SPSB3: variants seen among roughly 807,000 people sequenced by gnomAD.
SPSB3 encodes SPRY domain-containing SOCS box protein 3.
SPSB3 carries 18 observed loss-of-function variants against 29.5 expected under a neutral mutation model. The ratio of observed to expected loss-of-function variants is 0.61; its 90% CI spans 0.42 to 0.91. SPSB3 has a LOEUF of 0.91. Ranked by LOEUF, SPSB3 falls within the 40% of genes least tolerant of loss-of-function variation. The pLI, the probability that SPSB3 is intolerant of heterozygous loss-of-function variation, is 0.00. For synonymous variants in SPSB3, 299 were observed against 214.1 expected, an observed-to-expected ratio of 1.40 and a Z score of -3.46; for missense variants, 540 against 507.5, an observed-to-expected ratio of 1.06 and a Z score of -0.61.
At chr16:1,780,505 G>C (rs566161831) in intron 2 of SPSB3, 1 of 152,638 alleles carries the variant, frequency 6.6e-6, no homozygotes, top group Non-Finnish European at 1.5e-5. Context: ...GCTGCAGACA[G>C]ACAAACACCT....
chr16:1,776,831 C>T lies in SPSB3; in HGVS notation c.*266G>A, dbSNP rs563352693. 3.2e-5 allele frequency: 17 copies of T among 530,148 alleles called. No homozygotes were observed. Among genetic ancestry groups the T allele is most frequent in the South Asian group, 7.9e-5 (3 of 37,796 alleles). 32.8% of individuals were successfully genotyped at this position (530,148 alleles called of 1,614,324 possible). A position where few individuals can be genotyped will look rare whatever the true frequency, so the allele number is the denominator to read the frequency against. ...CCGAGGCCCTGTGGGAACAGCAACGCGGGCTCCAGCCAGGCTCTCGTCCTC... is the reference window on the plus strand; with the variant it reads ...CCGAGGCCCTGTGGGAACAGCAACGTGGGCTCCAGCCAGGCTCTCGTCCTC... On this transcript the variant is annotated 3_prime_UTR_variant, in exon 7 of 7. Coordinates refer to ENST00000566339, the MANE Select transcript of SPSB3 (RefSeq NM_080861.4).
At position 1,776,966 on chromosome 16, in the gene SPSB3, G is replaced by C. The variant is rs113222268; in HGVS notation, c.*131C>G. On this transcript the variant is annotated 3_prime_UTR_variant, in exon 7 of 7. Transcript: ENST00000566339. ...AGGACTGTCCCAGCCTCGGGAGCAA[G>C]AGATGGCTCCCTCCGGACGGGCCTC... The C allele has an allele frequency of 6.0e-4, 631 of 1,050,160 alleles. 6 individuals are homozygous for C. In the African/African-American group the frequency reaches 8.3e-3, roughly 14 times the overall value. The allele number at this position is 1,050,160 out of a possible 1,614,324, so 65.1% of individuals were successfully genotyped here. A position where few individuals can be genotyped will look rare whatever the true frequency, so the allele number is the denominator to read the frequency against.
At position 1,776,876 on chromosome 16, in the gene SPSB3, G is replaced by C. The variant is rs1049487852; in HGVS notation, c.*221C>G. ...GTCCTCGCAGCCTCCCACAAGACCT[G>C]GGGCTCAGGGCAGCCGCTTCCCCAC... is the stretch of plus-strand genomic sequence containing the variant. On this transcript the variant is annotated 3_prime_UTR_variant, in exon 7 of 7. Coordinates refer to ENST00000566339, the MANE Select transcript of SPSB3 (RefSeq NM_080861.4). 12 of 577,536 alleles carry C rather than the reference G, an allele frequency of 2.1e-5. No individual in the cohort carries two copies. In the African/African-American group the frequency reaches 2.3e-4, roughly 11 times the overall value. 35.8% of individuals were successfully genotyped at this position (577,536 alleles called of 1,614,324 possible). A position where few individuals can be genotyped will look rare whatever the true frequency, so the allele number is the denominator to read the frequency against.
rs1010167704 is a variant in SPSB3 at position 1,777,603 on chromosome 16, C to G, written c.721+144G>C. 1.6e-5 allele frequency: 23 copies of G among 1,423,790 alleles called. No homozygotes were observed. In the South Asian group the frequency reaches 2.2e-4, roughly 13 times the overall value. The allele number at this position is 1,423,790 out of a possible 1,614,324, so 88.2% of individuals were successfully genotyped here. ...GCCCTGCCACTCCAGCCTGGCCTCA[C>G]TGTCCCACCCCCTGGGACCCTGGGG... On this transcript the variant is annotated intron_variant, in intron 6 of 6. Coordinates refer to ENST00000566339, the MANE Select transcript of SPSB3 (RefSeq NM_080861.4).
At chr16:1,778,667 C>T (rs1226259469) in intron 2 of SPSB3, 55 bp from the exon 3 acceptor site, 1 of 1,504,164 alleles carries the variant, frequency 6.6e-7, no homozygotes, top group African/African-American at 1.4e-5. Context: ...ACCCTCTCAC[C>T]CTTGCCCTCT....
rs145701138 is a variant in SPSB3 at position 1,780,139 on chromosome 16, G to A, written c.126+1219C>T. 7.1e-3 allele frequency: 1,087 copies of A among 152,346 alleles called. 14 individuals carry two copies. The highest frequency in any genetic ancestry group is 0.016 in the African/African-American group (647 of 41,528). The allele number at this position is 152,346 out of a possible 1,614,324, so 9.4% of individuals were successfully genotyped here. On this transcript the variant is annotated intron_variant, in intron 2 of 6. Transcript: ENST00000566339. ...ACAAGCAGCCGCCCCGGAAGGACACGGCCCATGGTGACAGAGGACAAGCAG... is the reference window on the plus strand; with the variant it reads ...ACAAGCAGCCGCCCCGGAAGGACACAGCCCATGGTGACAGAGGACAAGCAG...
At chr16:1,780,447 GGCAGGTA>G (rs1323026203) in intron 2 of SPSB3, 1 of 152,510 alleles carries the variant, frequency 6.6e-6, no homozygotes, top group Non-Finnish European at 1.5e-5. Flanking sequence ...GGGCCATGGG[GGCAGGTA>G]GCTCTGCCTG....
At chr16:1,779,972 A>G (rs1428848354) in intron 2 of SPSB3, 1 of 152,100 alleles carries the variant, frequency 6.6e-6, no homozygotes, top group Non-Finnish European at 1.5e-5. Flanking sequence ...CTGTTTCCCA[A>G]TTTGCCCCCA....
chr16:1,781,505 AAC>A lies in SPSB3; in HGVS notation c.-12-12_-12-11del. On this transcript the variant is annotated splice_polypyrimidine_tract_variant and intron_variant, in intron 1 of 6. Transcript: ENST00000566339. ...CCATGGTGGAAAGAATCTAGAAGAA[AAC>A]ACAGGCTCTGGGCAAAGGAAGACTC... 6.2e-7 allele frequency: 1 copy of A among 1,609,704 alleles called. No homozygotes were observed.
At chr16:1,781,681 A>G in intron 1 of SPSB3, 186 bp from the exon 2 acceptor site, 1 of 611,812 alleles carries the variant, frequency 1.6e-6, no homozygotes, top group East Asian at 2.8e-5. Flanking sequence ...AATAAAACCC[A>G]GGTAGATCCT....
intron 2 of SPSB3, chr16:1,780,181 A>G (rs1182103782): frequency 1.3e-5 from 2 of 152,094 alleles, no homozygotes; most frequent in African/African-American, 4.8e-5. Flanking sequence ...TGTGTCAGAC[A>G]CTGGCCTGGC....
chr16:1,781,156 G>T (rs748932155), intron 2 of SPSB3: 1 of 1,527,076 alleles, frequency 6.5e-7, no homozygotes, highest in South Asian at 1.2e-5. Flanking sequence ...TCACCCCTGA[G>T]GCTGTGTGTG....
In SPSB3 at chr16:1,778,570, G is replaced by A. The variant is rs770779966; in HGVS notation, c.169C>T (p.Pro57Ser). ...ACGGGCACCGCACTGGGGATGGATGGCGGCAGCGTGGAGTACTCGGGGTCG... is the reference window on the plus strand; with the variant it reads ...ACGGGCACCGCACTGGGGATGGATGACGGCAGCGTGGAGTACTCGGGGTCG... ...DSDPEYSTLP[P>S]SIPSAVPVTG... Residue 57 changes from proline (P) to serine (S), a missense_variant, in exon 3 of 7, where the codon CCA becomes TCA. Pro to Ser is a moderately conservative substitution (Grantham distance 74). Transcript: ENST00000566339. 6.3e-7 allele frequency: 1 copy of A among 1,596,720 alleles called. No homozygotes were observed. Among genetic ancestry groups the A allele is most frequent in the East Asian group, 2.2e-5 (1 of 44,488 alleles).
intron 6 of SPSB3, 125 bp from the exon 7 acceptor site, chr16:1,777,568 G>A (rs2141986502): frequency 2.3e-6 from 3 of 1,327,194 alleles, no homozygotes; most frequent in South Asian, 1.5e-5. Context: ...AAGGCAGGGT[G>A]CACGCGCTGG....
chr16:1,778,013 G>T lies in SPSB3; in HGVS notation c.528C>A (p.Asp176Glu). 1 of 1,613,226 alleles carries T rather than the reference G, an allele frequency of 6.2e-7. No homozygotes were observed. Among genetic ancestry groups the T allele is most frequent in the Non-Finnish European group, 8.5e-7 (1 of 1,179,994 alleles). Residue 176 changes from aspartate (D) to glutamate (E), a missense_variant, in exon 5 of 7, where the codon GAC becomes GAA. Asp to Glu is a conservative substitution (Grantham distance 45). Coordinates refer to ENST00000566339, the MANE Select transcript of SPSB3 (RefSeq NM_080861.4). ...VGIGTSDVDL[D>E]KYRHTFCSLL... ...GGCTGCAGAACGTGTGGCGGTATTT[G>T]TCCAGGTCCACATCCGACGTCCCGA...
intron 2 of SPSB3, chr16:1,778,853 G>A (rs1017464538): frequency 5.1e-5 from 22 of 432,106 alleles, no homozygotes; most frequent in African/African-American, 4.0e-4. Flanking sequence ...AGTAGCCAAG[G>A]CTGCCTGGCC....
At chr16:1,778,738 G>T in intron 2 of SPSB3, 126 bp from the exon 3 acceptor site, 1 of 1,067,808 alleles carries the variant, frequency 9.4e-7, no homozygotes, top group Non-Finnish European at 1.3e-6. Flanking sequence ...GGCCTCCAGG[G>T]ACTTCACAGT....
rs149477898 is a variant in SPSB3 at position 1,777,179 on chromosome 16, G to C, written c.986C>G (p.Ser329Cys). Residue 329 changes from serine to cysteine, a missense_variant, in exon 7 of 7, where the codon TCC becomes TGC. Physicochemically the swap from Ser to Cys is moderately radical, Grantham distance 112 (BLOSUM62 -1). Transcript: ENST00000566339. ...MSCSRRKAPV[S>C]DPQAATSAHP... is the part of the protein sequence containing the mutation. ...GGCGGAGGTCGCTGCCTGGGGATCG[G>C]ACACTGGAGCCTTGCGGCGGCTGCA... is the stretch of plus-strand genomic sequence containing the variant. 165 of 1,610,806 alleles carry C rather than the reference G, an allele frequency of 1.0e-4. No individual in the cohort carries two copies. Among genetic ancestry groups the C allele is most frequent in the Non-Finnish European group, 1.3e-4 (153 of 1,179,878 alleles).
At chr16:1,777,675 T>C in intron 6 of SPSB3, 72 bp downstream of exon 6, 1 of 1,589,874 alleles carries the variant, frequency 6.3e-7, no homozygotes, top group Non-Finnish European at 8.6e-7. Flanking sequence ...CAGTGTCCCC[T>C]GGGCTGGGGC....
Sources: gnomAD v4.1 joint callset for allele counts on GRCh38, gnomAD v4.1.1 for gene constraint, MANE v1.5 for transcripts, NCBI Gene and HGNC (gene_info 2026-07-23, HGNC 2026-07-21) for gene names.